Variants in C20orf173 observed in about 807,000 individuals in gnomAD.
The protein encoded by C20orf173 is chromosome 20 open reading frame 173.
C20orf173 carries 22 observed loss-of-function variants against 26.7 expected under a neutral mutation model. The ratio of observed to expected loss-of-function variants is 0.82; its 90% CI spans 0.59 to 1.18. The LOEUF (loss-of-function observed/expected upper bound fraction) is 1.18, where lower values mean the gene tolerates loss of function less well. Ranked by LOEUF, C20orf173 falls within the 50% of genes most tolerant of loss-of-function variation. The pLI, the probability that C20orf173 is intolerant of heterozygous loss-of-function variation, is 0.00. For synonymous variants in C20orf173, 85 were observed against 96.4 expected (o/e 0.88, Z 0.69); for missense variants, 210 against 250.3 (o/e 0.84, Z 1.09).
intron 3 of C20orf173, 47 bp downstream of exon 3, chr20:35,528,654 T>C: frequency 6.5e-7 from 1 of 1,538,216 alleles, no homozygotes. Context: ...GATGGAACTG[T>C]GGGGCAGGCC....
downstream of C20orf173, among the ~76,000 whole-genome samples, chr20:35,525,110 T>TA (rs1276451949): frequency 2.2e-4 from 32 of 146,092 alleles, no homozygotes; most frequent in East Asian, 7.9e-4. Context: ...TGTGTTACTT[T>TA]AAAAAAAAAA....
At chr20:35,521,456 C>T (rs1019769106), downstream of C20orf173, among the ~76,000 whole-genome samples, 2 of 151,942 alleles carry the variant, frequency 1.3e-5, no homozygotes, top group Admixed American at 6.6e-5. Flanking sequence ...TGTGAGAAGG[C>T]GTGAGGCAGC....
intron 5 of C20orf173, among the ~76,000 whole-genome samples, chr20:35,527,941 C>A (rs967609311): frequency 3.3e-5 from 5 of 152,202 alleles, no homozygotes; most frequent in African/African-American, 1.2e-4. Flanking sequence ...CATGAGCCAC[C>A]ACGCTTGGCC....
chr20:35,524,515 C>G (rs1404691636), downstream of C20orf173, among the ~76,000 whole-genome samples: 4 of 152,034 alleles, frequency 2.6e-5, no homozygotes, highest in African/African-American at 9.7e-5. Context: ...TTTAAAAATT[C>G]CTTCCTCACT....
At chr20:35,525,268 T>C (rs1235280866), downstream of C20orf173, among the ~76,000 whole-genome samples, 1 of 151,806 alleles carries the variant, frequency 6.6e-6, no homozygotes, top group Non-Finnish European at 1.5e-5. Flanking sequence ...ATGAGGGAAA[T>C]TGGCCGGGCG....
rs2064517764 is a variant in C20orf173 at position 35,528,225 on chromosome 20, C to T, written c.*25+8G>A. 1 of 1,539,692 alleles carries T rather than the reference C, an allele frequency of 6.5e-7. No homozygotes were observed. The highest frequency in any genetic ancestry group is 1.5e-5 in the African/African-American group (1 of 66,980). On this transcript the variant is annotated splice_region_variant and intron_variant, in intron 5 of 5. Coordinates refer to ENST00000444723, the MANE Select transcript of C20orf173 (RefSeq NM_001145350.2). ...CCACATCCTACCCCTTTTCCTATTCCCCCTCACCGTGTCTTTGCTATCTTC... is the reference window on the plus strand; with the variant it reads ...CCACATCCTACCCCTTTTCCTATTCTCCCTCACCGTGTCTTTGCTATCTTC...
At chr20:35,522,114 G>A (rs1391897239), downstream of C20orf173, 1 of 152,686 alleles carries the variant, frequency 6.5e-6, no homozygotes, top group Non-Finnish European at 1.5e-5. Context: ...GAAAGGGACT[G>A]ACCTGAAGCC....
At chr20:35,521,428 C>G (rs1434569201), downstream of C20orf173, among the ~76,000 whole-genome samples, 1 of 151,958 alleles carries the variant, frequency 6.6e-6, no homozygotes, top group African/African-American at 2.4e-5. Context: ...AAGGGCATTC[C>G]AGGCAGAGGG....
downstream of C20orf173, chr20:35,523,338 G>T (rs1211738531): frequency 6.6e-6 from 1 of 152,230 alleles, no homozygotes; most frequent in Non-Finnish European, 1.5e-5. Flanking sequence ...CCTGATGATG[G>T]TGCCCCTGGC....
In C20orf173 at chr20:35,529,606, G is replaced by GGAAA; in HGVS notation, c.-100_-99insTTTC. The GGAAA allele has an allele frequency of 1.8e-6, 1 of 555,358 alleles. No individual in the cohort carries two copies. The allele number at this position is 555,358 out of a possible 1,614,324, so 34.4% of individuals were successfully genotyped here. On this transcript the variant is annotated 5_prime_UTR_variant, in exon 1 of 6. An upstream open reading frame in the 5' UTR loses its in-frame stop. Coordinates refer to ENST00000444723, the MANE Select transcript of C20orf173 (RefSeq NM_001145350.2). ...GCATGGGGTGGAAGAGGCCAGGGCA[G>GGAAA]AGAGACAGCATGTGGCTAGTCCTGA... is the stretch of plus-strand genomic sequence containing the variant.
Position 35,529,072 on chromosome 20 carries a change from C to T in C20orf173, c.302G>A (p.Trp101Ter), listed in dbSNP as rs1262191526. 2 of 1,549,886 alleles carry T rather than the reference C, an allele frequency of 1.3e-6. No homozygotes were observed. Among genetic ancestry groups the T allele is most frequent in the Non-Finnish European group, 1.7e-6 (2 of 1,145,626 alleles). The change falls in exon 2 of 6, where the codon TGG (tryptophan) becomes TAG (stop). Residue 101 changes from tryptophan (W) to a stop codon, truncating the protein, a stop_gained. Transcript: ENST00000444723. LOFTEE classifies it high-confidence loss of function. ...RESMTSDTVL[W>*]WLGMNSGSEL... ...CCAGTGTTGACCACTGACCAACCACCAGAGCACAGTGTCAGAGGTCATAGA... is the reference window on the plus strand; with the variant it reads ...CCAGTGTTGACCACTGACCAACCACTAGAGCACAGTGTCAGAGGTCATAGA...
downstream of C20orf173, among the ~76,000 whole-genome samples, chr20:35,521,729 C>T (rs959158263): frequency 9.2e-5 from 14 of 152,008 alleles, no homozygotes; most frequent in African/African-American, 3.4e-4. Flanking sequence ...TTGCCTCAGC[C>T]TCCCAAGTAG....
In C20orf173 at chr20:35,528,530, T is replaced by C; in HGVS notation, c.503A>G (p.Gln168Arg). 4 of 1,551,700 alleles carry C rather than the reference T, an allele frequency of 2.6e-6. No homozygotes were observed. The highest frequency in any genetic ancestry group is 3.5e-6 in the Non-Finnish European group (4 of 1,146,998). Residue 168 changes from glutamine (Q) to arginine (R), a missense_variant, in exon 4 of 6, where the codon CAG becomes CGG. Transcript: ENST00000444723. ...YPVVFRNASD[Q>R]GSWMQLEMLL... ...CATCTCCAGCTGCATCCAGGAGCCC[T>C]GGTCGCTGGCATTCCTGGGATAGAT...
downstream of C20orf173, chr20:35,523,335 A>G (rs2064485787): frequency 6.6e-6 from 1 of 152,176 alleles, no homozygotes; most frequent in Admixed American, 6.5e-5. Context: ...GGCCCTGATG[A>G]TGGTGCCCCT....
At chr20:35,528,424 G>C (rs1339679023) in intron 4 of C20orf173, 27 bp downstream of exon 4, 1 of 1,546,298 alleles carries the variant, frequency 6.5e-7, no homozygotes, top group Non-Finnish European at 8.8e-7. Flanking sequence ...CCCCCACACA[G>C]AGAATGTCTG....
chr20:35,522,169 T>G (rs1328164085), downstream of C20orf173: 1 of 152,686 alleles, frequency 6.5e-6, no homozygotes. Context: ...CACTTTCCCC[T>G]TTCCTTCCTG....
chr20:35,525,303 G>A (rs2064496905), downstream of C20orf173, among the ~76,000 whole-genome samples: 1 of 152,022 alleles, frequency 6.6e-6, no homozygotes, highest in Admixed American at 6.6e-5. Context: ...TGTAATCCCA[G>A]CATTTTGGGA....
At position 35,529,557 on chromosome 20, in the gene C20orf173, A is replaced by G; in HGVS notation, c.-52+2T>C. The G allele has an allele frequency of 1.6e-6, 1 of 614,646 alleles. No individual in the cohort carries two copies. The highest frequency in any genetic ancestry group is 4.4e-4 in the Middle Eastern group (1 of 2,276). 38.1% of individuals were successfully genotyped at this position (614,646 alleles called of 1,614,324 possible). ...CTCCTGCCTCACTATCCATTTGCTC[A>G]CCCTCAAAACGGTCTCTGACTGGGC... is the stretch of plus-strand genomic sequence containing the variant. On this transcript the variant is annotated splice_donor_variant, in intron 1 of 5. Transcript: ENST00000444723. LOFTEE classifies it low-confidence loss of function (5UTR_SPLICE).
downstream of C20orf173, among the ~76,000 whole-genome samples, chr20:35,526,452 C>T (rs1469886864): frequency 6.6e-6 from 1 of 151,940 alleles, no homozygotes; most frequent in East Asian, 1.9e-4. Flanking sequence ...ATGGCAAGAC[C>T]CCCTTTCTAC....
Sources: allele counts gnomAD v4.1 joint callset (sites outside exome capture counted in the v4.1 genomes callset), GRCh38; gene constraint gnomAD v4.1.1; transcripts MANE v1.5; gene names NCBI Gene and HGNC (gene_info 2026-07-23, HGNC 2026-07-21).